The following MINAR1 variants were observed in gnomAD, a reference collection of about 807,000 sequenced individuals.
MINAR1 encodes major intrinsically disordered Notch2-binding receptor 1.
In MINAR1, 40 loss-of-function variants were observed where a neutral mutation model predicts 65.1. That is an observed-to-expected ratio of 0.61 (90% CI 0.48 to 0.80). The LOEUF (loss-of-function observed/expected upper bound fraction) is 0.80. Ranked by LOEUF, MINAR1 falls within the 30% of genes least tolerant of loss-of-function variation. The probability of loss-of-function intolerance (pLI) is 0.00; values close to 1 mark genes in which losing one functional copy is unlikely to be tolerated. For missense variants in MINAR1, 1,128 were observed against 1,148.0 expected, an observed-to-expected ratio of 0.98 and a Z score of 0.25; for synonymous variants, 482 against 449.1, an observed-to-expected ratio of 1.07 and a Z score of -0.93.
intron 3 of MINAR1, among the ~76,000 whole-genome samples, chr15:79,465,615 G>C (rs542044860): frequency 1.3e-5 from 2 of 152,228 alleles, no homozygotes; most frequent in South Asian, 4.1e-4. Context: ...ATTTCCTTCT[G>C]TCTGAGCCGG....
chr15:79,445,342 A>AC (rs1567052669), intron 1 of MINAR1, among the ~76,000 whole-genome samples: 1 of 152,168 alleles, frequency 6.6e-6, no homozygotes, highest in African/African-American at 2.4e-5. Flanking sequence ...CAGGGTAATA[A>AC]CTAATAAGTG....
At position 79,472,190 on chromosome 15, in the gene MINAR1, C is replaced by G. The variant is rs191081821; in HGVS notation, c.*3806C>G. ...CCAATAACTAAGCACATTTTTAGAT[C>G]TTTTTTCAAATGGCTTGTGTAAAAT... On this transcript the variant is annotated 3_prime_UTR_variant, in exon 4 of 4. Transcript: ENST00000305428. 1 of 152,432 alleles carries G rather than the reference C, an allele frequency of 6.6e-6. No homozygotes were observed. The highest frequency in any genetic ancestry group is 1.5e-5 in the Non-Finnish European group (1 of 67,986). 9.4% of individuals were successfully genotyped at this position (152,432 alleles called of 1,614,324 possible). A position where few individuals can be genotyped will look rare whatever the true frequency, so the allele number is the denominator to read the frequency against.
intron 1 of MINAR1, among the ~76,000 whole-genome samples, chr15:79,455,546 G>A (rs1361455414): frequency 1.3e-5 from 2 of 152,086 alleles, no homozygotes; most frequent in African/African-American, 2.4e-5. Context: ...GCCCCTTTGA[G>A]GTCAACCCTC....
rs1895443596 is a variant in MINAR1 at position 79,456,957 on chromosome 15, G to A, written c.810G>A (p.Val270=). 1.2e-6 allele frequency: 2 copies of A among 1,614,046 alleles called. No individual in the cohort carries two copies. Among genetic ancestry groups the A allele is most frequent in the Non-Finnish European group, 1.7e-6 (2 of 1,180,034 alleles). The part of the protein sequence containing the change: ...FKEDFHNLMA[V]SPSLVGPISK... ...AGGATTTTCACAATTTGATGGCAGT[G>A]TCCCCCAGTTTGGTTGGCCCCATCA... The change falls in exon 2 of 4, where the codon GTG becomes GTA. Residue 270 remains valine, a synonymous_variant. Transcript: ENST00000305428.
rs753495028 is a variant in MINAR1, at chr15:79,456,323, A to G, written c.176A>G (p.Asn59Ser). Reference sequence around the variant, plus strand: ...TTCTACACAGCTTGTCTCGATCCCAATTTTCCAGCCACGCTATTCAAAGAC... The same window carrying G: ...TTCTACACAGCTTGTCTCGATCCCAGTTTTCCAGCCACGCTATTCAAAGAC... Reference protein sequence around the residue: ...VLFYTACLDPNFPATLFKDKM... With the variant: ...VLFYTACLDPSFPATLFKDKM... Residue 59 changes from asparagine (N) to serine (S), a missense_variant, in exon 2 of 4, where the codon AAT becomes AGT. Physicochemically the swap from Asn to Ser is conservative, Grantham distance 46. Transcript: ENST00000305428. The G allele has an allele frequency of 2.5e-5, 40 of 1,614,048 alleles. No individual in the cohort carries two copies. The East Asian group carries it at 4.5e-4, about 18-fold the overall frequency.
At chr15:79,426,514 C>T in the MINAR1 span, 1 of 152,254 alleles carries the variant, frequency 6.6e-6, no homozygotes, top group African/African-American at 2.4e-5. Flanking sequence ...TAACAAAAAA[C>T]GAATATCCTC....
chr15:79,448,847 A>G (rs1281631366), intron 1 of MINAR1, among the ~76,000 whole-genome samples: 2 of 152,248 alleles, frequency 1.3e-5, no homozygotes, highest in East Asian at 3.8e-4. Flanking sequence ...AGATTCAAGC[A>G]GCAATACTAC....
At position 79,469,599 on chromosome 15, in the gene MINAR1, C is replaced by G. The variant is rs892301818; in HGVS notation, c.*1215C>G. 2 of 152,476 alleles carry G rather than the reference C, an allele frequency of 1.3e-5. No individual in the cohort carries two copies. The highest frequency in any genetic ancestry group is 2.9e-5 in the Non-Finnish European group (2 of 68,020). The allele number at this position is 152,476 out of a possible 1,614,324, so 9.4% of individuals were successfully genotyped here. On this transcript the variant is annotated 3_prime_UTR_variant, in exon 4 of 4. Transcript: ENST00000305428. Reference sequence around the variant, plus strand: ...TAAATACTTGATTTTTATTTATTGTCTTCTCTGTTAAATAACTTGAGAGCA... The same window carrying G: ...TAAATACTTGATTTTTATTTATTGTGTTCTCTGTTAAATAACTTGAGAGCA...
At position 79,459,797 on chromosome 15, in the gene MINAR1, C is replaced by T. The variant is rs141464057; in HGVS notation, c.2298+1352C>T. On this transcript the variant is annotated intron_variant, in intron 2 of 3. Coordinates refer to ENST00000305428, the MANE Select transcript of MINAR1 (RefSeq NM_015206.3). ...TGGTTACTGCTGTGTGCTTCTGGAG[C>T]GGCTTACTGCATGTGGTGTTGGAGA... 2.9e-3 allele frequency among the ~76,000 whole-genome samples: 441 copies of T among 152,236 alleles called. 5 individuals are homozygous for T. Among genetic ancestry groups the T allele is most frequent in the African/African-American group, 9.8e-3 (406 of 41,528 alleles).
At chr15:79,436,183 G>C (rs1894594354) in intron 1 of MINAR1, among the ~76,000 whole-genome samples, 1 of 152,198 alleles carries the variant, frequency 6.6e-6, no homozygotes, top group Admixed American at 6.5e-5. Context: ...ACTGAAATCT[G>C]GGGATTATTT....
At chr15:79,415,803 T>C in the MINAR1 span, 1 of 152,180 alleles carries the variant, frequency 6.6e-6, no homozygotes, top group African/African-American at 2.4e-5. Context: ...AACAGAAATT[T>C]TAATTACAGG....
upstream of MINAR1, among the ~76,000 whole-genome samples, chr15:79,428,431 TC>T (rs1433484670): frequency 8.5e-6 from 1 of 118,174 alleles, no homozygotes; most frequent in Admixed American, 8.2e-5. Flanking sequence ...ATTCTTTCCT[TC>T]CTTTCTTCCC....
chr15:79,466,114 T>C (rs1895843564), intron 3 of MINAR1, among the ~76,000 whole-genome samples: 1 of 152,028 alleles, frequency 6.6e-6, no homozygotes, highest in African/African-American at 2.4e-5. Flanking sequence ...TTTCCCCACA[T>C]TGAGAGTGTC....
At chr15:79,460,793 G>T (rs1895616603) in intron 2 of MINAR1, among the ~76,000 whole-genome samples, 1 of 152,314 alleles carries the variant, frequency 6.6e-6, no homozygotes, top group Admixed American at 6.5e-5. Context: ...TCAACTAGAA[G>T]GCTCTGTTAT....
intron 3 of MINAR1, among the ~76,000 whole-genome samples, chr15:79,467,657 G>A (rs1297547334): frequency 6.6e-6 from 1 of 152,162 alleles, no homozygotes; most frequent in Non-Finnish European, 1.5e-5. Context: ...CAGATAAATG[G>A]CTGAATTTGA....
intron 1 of MINAR1, among the ~76,000 whole-genome samples, chr15:79,453,355 A>G (rs891420292): frequency 6.6e-5 from 10 of 152,080 alleles, no homozygotes; most frequent in Non-Finnish European, 1.3e-4. Flanking sequence ...TTGGGCCCCT[A>G]ACCCCATACA....
chr15:79,450,744 T>C (rs1179402800), intron 1 of MINAR1, among the ~76,000 whole-genome samples: 2 of 151,640 alleles, frequency 1.3e-5, no homozygotes, highest in African/African-American at 4.8e-5. Context: ...AATCCCGCTT[T>C]AGGCAGGCGT....
chr15:79,466,084 C>CCCT lies in MINAR1; in HGVS notation c.2554-2103_2554-2102insCCT, dbSNP rs563369254. 3.4e-3 allele frequency among the ~76,000 whole-genome samples: 514 copies of CCCT among 152,266 alleles called. 2 individuals carry two copies. The highest frequency in any genetic ancestry group is 0.012 in the African/African-American group (487 of 41,536). ...GCAAAGGCTGAAGGGTTGGACAGAGCACTCTGCACAATAGGGACTTTTCCC... is the reference window on the plus strand; with the variant it reads ...GCAAAGGCTGAAGGGTTGGACAGAGCCCTACTCTGCACAATAGGGACTTTTCCC... On this transcript the variant is annotated intron_variant, in intron 3 of 3. Transcript: ENST00000305428.
intron 1 of MINAR1, among the ~76,000 whole-genome samples, chr15:79,452,418 ATGAG>A (rs1281248346): frequency 6.6e-6 from 1 of 151,016 alleles, no homozygotes; most frequent in Non-Finnish European, 1.5e-5. Context: ...GTGAAGCTGT[ATGAG>A]TGTGTGGGTG....
Sources: allele counts gnomAD v4.1 joint callset (sites outside exome capture counted in the v4.1 genomes callset), GRCh38; gene constraint gnomAD v4.1.1; transcripts MANE v1.5; gene names NCBI Gene and HGNC (gene_info 2026-07-23, HGNC 2026-07-21).